The following AGFG1 variants were observed in gnomAD, a reference collection of about 807,000 sequenced individuals.
AGFG1 encodes ArfGAP with FG repeats 1.
AGFG1 carries 10 observed loss-of-function variants against 60.6 expected under a neutral mutation model. That is an observed-to-expected ratio of 0.16 (90% CI 0.10 to 0.28). AGFG1 has a LOEUF of 0.28. Ranked by LOEUF, AGFG1 falls within the 10% of genes least tolerant of loss-of-function variation. The pLI is 1.00. For synonymous variants in AGFG1, 247 were observed against 242.9 expected (o/e 1.02, Z -0.16); for missense variants, 537 against 676.5 (o/e 0.79, Z 2.29).
intron 2 of AGFG1, among the ~76,000 whole-genome samples, chr2:227,513,299 CTT>C (rs1691548329): frequency 6.6e-6 from 1 of 152,208 alleles, no homozygotes; most frequent in African/African-American, 2.4e-5. Context: ...TCACTCCAGT[CTT>C]TTCCCTGCTC....
intron 10 of AGFG1, chr2:227,550,079 T>A (rs944146371): frequency 4.5e-6 from 2 of 447,840 alleles, no homozygotes; most frequent in Non-Finnish European, 4.6e-6. Flanking sequence ...AGCAATGCAT[T>A]CTCAAGTGTT....
intron 5 of AGFG1, among the ~76,000 whole-genome samples, chr2:227,529,149 C>T (rs1215732071): frequency 6.6e-6 from 1 of 151,780 alleles, no homozygotes; most frequent in African/African-American, 2.4e-5. Flanking sequence ...TTTATTTTTC[C>T]TTCTACTATG....
intron 5 of AGFG1, among the ~76,000 whole-genome samples, chr2:227,527,406 T>C (rs1692030811): frequency 6.6e-6 from 1 of 152,232 alleles, no homozygotes; most frequent in Non-Finnish European, 1.5e-5. Context: ...TATGTTTACA[T>C]GCATTTAAGA....
intron 1 of AGFG1, among the ~76,000 whole-genome samples, chr2:227,473,415 C>T (rs77073837): frequency 0.051 from 7,834 of 152,154 alleles, 262 homozygotes; most frequent in African/African-American, 0.081. Flanking sequence ...TGAGATTTAT[C>T]TGTATCTCGC....
At chr2:227,512,948 A>C (rs1242428586) in intron 2 of AGFG1, among the ~76,000 whole-genome samples, 1 of 152,186 alleles carries the variant, frequency 6.6e-6, no homozygotes, top group African/African-American at 2.4e-5. Context: ...TAAATTCCAG[A>C]TCCTCTGTCC....
chr2:227,536,443 T>C (rs1215251662), intron 8 of AGFG1, among the ~76,000 whole-genome samples, 182 bp from the exon 9 acceptor site: 1 of 152,208 alleles, frequency 6.6e-6, no homozygotes, highest in Non-Finnish European at 1.5e-5. Flanking sequence ...ATGATGATTC[T>C]TAATGAAGCA....
intron 1 of AGFG1, among the ~76,000 whole-genome samples, chr2:227,484,688 G>GTTT (rs745570416): frequency 1.1e-3 from 28 of 25,086 alleles, no homozygotes; most frequent in East Asian, 6.2e-3. Flanking sequence ...TTTTTTTTTT[G>GTTT]TTTTTTTTTT....
At chr2:227,472,807 C>T (rs1286155255) in intron 1 of AGFG1, among the ~76,000 whole-genome samples, 1 of 124,890 alleles carries the variant, frequency 8.0e-6, no homozygotes, top group Non-Finnish European at 1.6e-5. Context: ...TCGGTTTTGC[C>T]GGGCGAGGGT....
Position 227,511,982 on chromosome 2 carries a change from A to C in AGFG1, c.262-7966A>C, listed in dbSNP as rs1181777826. On this transcript the variant is annotated intron_variant, in intron 2 of 12. Transcript: ENST00000310078. Reference sequence around the variant, plus strand: ...CAGGGGTCACATTCTGTTAAGCCTAATAGGCTGTGATGAAGAATTTGATTT... The same window carrying C: ...CAGGGGTCACATTCTGTTAAGCCTACTAGGCTGTGATGAAGAATTTGATTT... 7.2e-5 allele frequency among the ~76,000 whole-genome samples: 11 copies of C among 152,206 alleles called. No homozygotes were observed. The South Asian group carries it at 2.3e-3, about 32-fold the overall frequency.
intron 1 of AGFG1, among the ~76,000 whole-genome samples, chr2:227,472,911 C>T (rs1690148171): frequency 1.3e-5 from 2 of 148,652 alleles, no homozygotes; most frequent in South Asian, 4.3e-4. Context: ...TCCGTCGAGC[C>T]TGCGGCCGCC....
At chr2:227,480,722 C>T (rs1690433367) in intron 1 of AGFG1, among the ~76,000 whole-genome samples, 1 of 152,120 alleles carries the variant, frequency 6.6e-6, no homozygotes. Flanking sequence ...ATTCCCTTCA[C>T]TTGTAACCTA....
chr2:227,500,751 AAT>A (rs1691128650), intron 2 of AGFG1, among the ~76,000 whole-genome samples: 1 of 152,140 alleles, frequency 6.6e-6, no homozygotes, highest in Admixed American at 6.6e-5. Context: ...TATAAACTGC[AAT>A]ATATCTATCT....
intron 5 of AGFG1, among the ~76,000 whole-genome samples, chr2:227,528,627 C>T (rs1421870220): frequency 2.3e-4 from 35 of 152,134 alleles, no homozygotes; most frequent in Admixed American, 2.3e-3. Context: ...TGATAACCAC[C>T]AAATTCTTTT....
At chr2:227,497,745 T>TTG (rs1691025588) in intron 2 of AGFG1, among the ~76,000 whole-genome samples, 1 of 134,942 alleles carries the variant, frequency 7.4e-6, no homozygotes. Flanking sequence ...GTTTTTTTTT[T>TTG]TTTTTTTTTT....
At chr2:227,486,726 G>A (rs1690650391) in intron 1 of AGFG1, among the ~76,000 whole-genome samples, 1 of 152,162 alleles carries the variant, frequency 6.6e-6, no homozygotes, top group African/African-American at 2.4e-5. Flanking sequence ...TATCTTAGTA[G>A]AGAGCCAAAG....
chr2:227,478,102 G>GCATGTGCATACTAC (rs1690338918), intron 1 of AGFG1, among the ~76,000 whole-genome samples: 1 of 151,214 alleles, frequency 6.6e-6, no homozygotes, highest in Non-Finnish European at 1.5e-5. Flanking sequence ...TTTCAATTTG[G>GCATGTGCATACTAC]CATGTGCATA....
intron 1 of AGFG1, among the ~76,000 whole-genome samples, chr2:227,486,042 C>T (rs933962891): frequency 2.6e-5 from 4 of 152,108 alleles, no homozygotes; most frequent in East Asian, 3.9e-4. Flanking sequence ...AGAGAATTTG[C>T]GTGTTCATGG....
At chr2:227,542,473 A>G (rs554368979) in intron 10 of AGFG1, among the ~76,000 whole-genome samples, 2 of 152,206 alleles carry the variant, frequency 1.3e-5, no homozygotes, top group South Asian at 4.2e-4. Flanking sequence ...ATTGATTTGC[A>G]TATGTTGAAC....
intron 10 of AGFG1, among the ~76,000 whole-genome samples, chr2:227,541,395 T>G (rs959929496): frequency 2.0e-5 from 3 of 152,214 alleles, no homozygotes; most frequent in Non-Finnish European, 4.4e-5. Context: ...AGGGATCCAA[T>G]TTCAGCTTTC....
Sources: gnomAD v4.1 joint callset for allele counts (sites outside exome capture counted in the v4.1 genomes callset) on GRCh38, gnomAD v4.1.1 for gene constraint, MANE v1.5 for transcripts, NCBI Gene and HGNC (gene_info 2026-07-23, HGNC 2026-07-21) for gene names.